Variants in N4BP2 observed in about 807,000 individuals in gnomAD.
N4BP2 encodes NEDD4 binding protein 2, also known as NEDD4-binding protein 2.
Under a neutral mutation model 152.8 loss-of-function variants are expected in N4BP2, and 91 were observed. The ratio of observed to expected loss-of-function variants is 0.60; its 90% CI spans 0.50 to 0.71. The LOEUF (loss-of-function observed/expected upper bound fraction) is 0.71, where lower values mean the gene tolerates loss of function less well. Ranked by LOEUF, N4BP2 falls within the 30% of genes least tolerant of loss-of-function variation. N4BP2 has a pLI of 0.00. For missense variants in N4BP2, 1,923 were observed against 2,059.1 expected (o/e 0.93, Z 1.28); for synonymous variants, 646 against 705.3 (o/e 0.92, Z 1.33).
chr4:40,086,177 G>C (rs1057209796), intron 2 of N4BP2, among the ~76,000 whole-genome samples: 1 of 148,692 alleles, frequency 6.7e-6, no homozygotes, highest in Non-Finnish European at 1.5e-5. Flanking sequence ...TTAGAGACAG[G>C]GTTTTGCCAT....
intron 12 of N4BP2, 143 bp from the exon 13 acceptor site, chr4:40,131,658 A>G (rs938546105): frequency 1.6e-6 from 1 of 617,396 alleles, no homozygotes; most frequent in Non-Finnish European, 2.8e-6. Context: ...TCGTATTACT[A>G]ATTTCAGCCT....
the N4BP2 span, among the ~76,000 whole-genome samples, chr4:40,172,032 C>A: frequency 6.6e-6 from 1 of 152,232 alleles, no homozygotes; most frequent in African/African-American, 2.4e-5. Context: ...TCAGCCTCCT[C>A]AGTAGCTGGG....
Position 40,124,257 on chromosome 4 carries a change from G to A in N4BP2, c.4330+52G>A, listed in dbSNP as rs777327778. 1.9e-5 allele frequency: 27 copies of A among 1,420,326 alleles called. No homozygotes were observed. The South Asian group carries it at 2.3e-4, about 12-fold the overall frequency. The allele number at this position is 1,420,326 out of a possible 1,614,324, so 88.0% of individuals were successfully genotyped here. ...GTCTTAATGTTGAAATTTGGTGTGT[G>A]TGTTTGAATTTTAACTCATTCTAAA... On this transcript the variant is annotated intron_variant, in intron 11 of 17. Transcript: ENST00000261435.
At chr4:40,119,788 A>G (rs1717682030) in intron 8 of N4BP2, 144 bp from the exon 9 acceptor site, 1 of 454,810 alleles carries the variant, frequency 2.2e-6, no homozygotes, top group Non-Finnish European at 3.9e-6. Context: ...GATCAGAATT[A>G]GCTTTTATAA....
intron 2 of N4BP2, among the ~76,000 whole-genome samples, chr4:40,084,542 C>T (rs556934820): frequency 3.5e-3 from 530 of 150,388 alleles, no homozygotes; most frequent in Middle Eastern, 6.9e-3. Context: ...TTCAAGCAAT[C>T]CTCCCGGCTC....
chr4:40,149,083 C>T (rs954176260), intron 16 of N4BP2, among the ~76,000 whole-genome samples: 23 of 152,070 alleles, frequency 1.5e-4, no homozygotes, highest in African/African-American at 2.2e-4. Context: ...TATAATTAAC[C>T]GTATGACCCA....
intron 2 of N4BP2, among the ~76,000 whole-genome samples, chr4:40,075,227 G>A (rs891282803): frequency 5.3e-5 from 8 of 152,090 alleles, no homozygotes; most frequent in African/African-American, 1.9e-4. Context: ...AATACCGACT[G>A]ACTCTAAATT....
At chr4:40,190,017 A>G in the N4BP2 span, among the ~76,000 whole-genome samples, 2 of 152,314 alleles carry the variant, frequency 1.3e-5, no homozygotes, top group Non-Finnish European at 2.9e-5. Flanking sequence ...TCGTCTTTCT[A>G]TGAAGGACTT....
Position 40,144,617 on chromosome 4 carries a change from A to G in N4BP2, c.4975-15A>G. ...AACAGCAAAACTGTCCCTTGGTGAT[A>G]TGTTTATGATTTAGGGTACTCTTCA... On this transcript the variant is annotated splice_polypyrimidine_tract_variant and intron_variant, in intron 15 of 17. Coordinates refer to ENST00000261435, the MANE Select transcript of N4BP2 (RefSeq NM_018177.6). 1 of 1,585,644 alleles carries G rather than the reference A, an allele frequency of 6.3e-7. No homozygotes were observed. The highest frequency in any genetic ancestry group is 8.6e-7 in the Non-Finnish European group (1 of 1,164,716).
At chr4:40,104,425 A>G (rs1424049760) in intron 4 of N4BP2, among the ~76,000 whole-genome samples, 1 of 148,756 alleles carries the variant, frequency 6.7e-6, no homozygotes, top group Non-Finnish European at 1.5e-5. Context: ...TTTTTTTGAT[A>G]TCTTTTCTGT....
chr4:40,077,161 G>A (rs1236735489), intron 2 of N4BP2, among the ~76,000 whole-genome samples: 4 of 151,746 alleles, frequency 2.6e-5, no homozygotes, highest in Non-Finnish European at 5.9e-5. Flanking sequence ...GTGTGTGTGT[G>A]TATTTTTGTT....
chr4:40,141,774 C>T (rs1720002558), intron 14 of N4BP2, among the ~76,000 whole-genome samples: 1 of 152,220 alleles, frequency 6.6e-6, no homozygotes, highest in Non-Finnish European at 1.5e-5. Context: ...CGAGATCACG[C>T]CACTGCACTC....
intron 13 of N4BP2, 47 bp from the exon 14 acceptor site, chr4:40,136,897 C>T (rs1719456691): frequency 7.0e-7 from 1 of 1,438,020 alleles, no homozygotes; most frequent in Non-Finnish European, 9.6e-7. Context: ...TCCCACACAA[C>T]TTATTTTCAT....
intron 12 of N4BP2, among the ~76,000 whole-genome samples, chr4:40,129,186 C>G (rs1049296568): frequency 2.6e-5 from 4 of 151,878 alleles, no homozygotes; most frequent in Non-Finnish European, 5.9e-5. Flanking sequence ...GTAGCTGGGA[C>G]TACAGGTGTG....
intron 2 of N4BP2, among the ~76,000 whole-genome samples, chr4:40,092,248 G>C (rs1220497879): frequency 6.7e-6 from 1 of 149,938 alleles, no homozygotes. Context: ...AAAAATGTTT[G>C]TTAGAATTTT....
intron 2 of N4BP2, chr4:40,083,049 T>C (rs569692542): frequency 4.1e-4 from 108 of 266,440 alleles, no homozygotes; most frequent in Non-Finnish European, 6.6e-4. Flanking sequence ...AGAGTAAACC[T>C]ACCCCGTATA....
chr4:40,110,825 A>C (rs976585480), intron 5 of N4BP2, among the ~76,000 whole-genome samples: 5 of 152,216 alleles, frequency 3.3e-5, no homozygotes, highest in African/African-American at 1.2e-4. Flanking sequence ...GGTGTGAGGT[A>C]CCGTGCCCAG....
chr4:40,142,160 G>A (rs1028819705), intron 14 of N4BP2: 5 of 170,654 alleles, frequency 2.9e-5, no homozygotes, highest in Non-Finnish European at 6.2e-5. Context: ...GGGAGAGGGA[G>A]AGGGCAGCGT....
the N4BP2 span, among the ~76,000 whole-genome samples, chr4:40,165,427 A>G: frequency 2.0e-5 from 3 of 152,148 alleles, no homozygotes; most frequent in Non-Finnish European, 2.9e-5. Flanking sequence ...TTTTGTATTT[A>G]TAGTAGAGAT....
Sources: gnomAD v4.1 joint callset for allele counts (sites outside exome capture counted in the v4.1 genomes callset) on GRCh38, gnomAD v4.1.1 for gene constraint, MANE v1.5 for transcripts, NCBI Gene and HGNC (gene_info 2026-07-23, HGNC 2026-07-21) for gene names.